The following PAX2 variants were observed in gnomAD, a reference collection of about 807,000 sequenced individuals.
PAX2 encodes the protein paired box protein Pax-2.
A neutral mutation model predicts 41.7 loss-of-function variants in PAX2; 9 were observed. The observed-to-expected ratio is 0.22, with a 90% CI of 0.13 to 0.38. The LOEUF (loss-of-function observed/expected upper bound fraction) is 0.38. PAX2 is among the 10% of genes least tolerant of loss of function. The probability of loss-of-function intolerance (pLI) is 1.00; values close to 1 mark genes in which losing one functional copy is unlikely to be tolerated. For missense variants in PAX2, 418 were observed against 531.6 expected, an observed-to-expected ratio of 0.79 and a Z score of 2.10; for synonymous variants, 221 against 212.7, an observed-to-expected ratio of 1.04 and a Z score of -0.34.
rs138892176 is a variant in PAX2 at position 100,789,637 on chromosome 10, G to A, written c.616+8272G>A. Among the ~76,000 whole-genome samples, 791 of 152,220 alleles carry A rather than the reference G, an allele frequency of 5.2e-3. 9 individuals carry two copies. The highest frequency in any genetic ancestry group is 0.018 in the African/African-American group (754 of 41,530). On this transcript the variant is annotated intron_variant, in intron 5 of 9. Transcript: ENST00000355243. ...TTTTCCAACTCATACCCAAAACCTG[G>A]CTAAGGTCCACTTAGTCCAAGAAAG... is the stretch of plus-strand genomic sequence containing the variant.
chr10:100,810,405 A>G (rs1488429789), intron 7 of PAX2, among the ~76,000 whole-genome samples: 1 of 152,178 alleles, frequency 6.6e-6, no homozygotes, highest in Non-Finnish European at 1.5e-5. Flanking sequence ...TCCAGCCTAG[A>G]TCTTTGGCTA....
At chr10:100,739,257 C>G (rs986105579) in intron 1 of PAX2, among the ~76,000 whole-genome samples, 1 of 152,204 alleles carries the variant, frequency 6.6e-6, no homozygotes, top group Non-Finnish European at 1.5e-5. Context: ...CCCTGGTCCC[C>G]TCTCCCCTGC....
chr10:100,742,693 A>T (rs1001882414), upstream of PAX2, among the ~76,000 whole-genome samples: 5 of 151,970 alleles, frequency 3.3e-5, no homozygotes, highest in African/African-American at 1.2e-4. Flanking sequence ...GGGGGGTGGA[A>T]GGGCCGCTTT....
rs4523631 is a variant in PAX2 at position 100,745,602 on chromosome 10, C to A, written c.-659C>A. The A allele has an allele frequency of 0.8, 190,996 of 238,814 alleles. 76,779 individuals are homozygous for A. The highest frequency in any genetic ancestry group is 1 in the East Asian group (10,867 of 10,880). The allele number at this position is 238,814 out of a possible 1,614,324, so 14.8% of individuals were successfully genotyped here. On this transcript the variant is annotated 5_prime_UTR_variant, in exon 1 of 10. Coordinates refer to ENST00000355243, the MANE Select transcript of PAX2 (RefSeq NM_000278.5). The stretch of plus-strand genomic sequence containing the variant: ...GCTCCAGTCTCCGGCCGAGTCTTCT[C>A]GCAGCCGCAACCCACCTGGGGCCAG...
At chr10:100,754,026 C>T (rs918168515) in intron 3 of PAX2, among the ~76,000 whole-genome samples, 1 of 152,136 alleles carries the variant, frequency 6.6e-6, no homozygotes, top group African/African-American at 2.4e-5. Context: ...ATGGAGTTGC[C>T]AGCTTTTTGG....
At chr10:100,811,898 A>T (rs1848002636) in intron 7 of PAX2, among the ~76,000 whole-genome samples, 1 of 152,160 alleles carries the variant, frequency 6.6e-6, no homozygotes, top group South Asian at 2.1e-4. Context: ...ACCTTAGGGG[A>T]TGAGGGAATG....
At chr10:100,758,382 C>T (rs193040790) in intron 3 of PAX2, among the ~76,000 whole-genome samples, 9 of 152,118 alleles carry the variant, frequency 5.9e-5, no homozygotes, top group African/African-American at 1.7e-4. Context: ...CCTCGTGATC[C>T]GCCCGCCTCG....
chr10:100,765,328 C>T (rs1845981549), intron 3 of PAX2, among the ~76,000 whole-genome samples: 1 of 152,210 alleles, frequency 6.6e-6, no homozygotes, highest in Non-Finnish European at 1.5e-5. Flanking sequence ...CAATCCCATT[C>T]TTGCCTCAAG....
rs748047859 is a variant in PAX2 at position 100,750,680 on chromosome 10, CTT to C, written c.213-12_213-11del. The C allele has an allele frequency of 6.2e-7, 1 of 1,613,144 alleles. No individual in the cohort carries two copies. The highest frequency in any genetic ancestry group is 8.5e-7 in the Non-Finnish European group (1 of 1,179,204). ...GTCCGCTTCTGGCTGACCCCGCCGG[CTT>C]TCCCGGCGCAGGTACTACGAGACCG... On this transcript the variant is annotated splice_polypyrimidine_tract_variant and intron_variant, in intron 2 of 9. Coordinates refer to ENST00000355243, the MANE Select transcript of PAX2 (RefSeq NM_000278.5). The surrounding 1 kb of genome is among the most constrained non-coding windows in gnomAD (Gnocchi z 4.1).
chr10:100,749,039 C>T lies in PAX2; in HGVS notation c.44-707C>T, dbSNP rs1300326499. 3.0e-6 allele frequency: 3 copies of T among 985,356 alleles called. No individual in the cohort carries two copies. In the African/African-American group the frequency reaches 5.2e-5, roughly 17 times the overall value. 61.0% of individuals were successfully genotyped at this position (985,356 alleles called of 1,614,324 possible). A position where few individuals can be genotyped will look rare whatever the true frequency, so the allele number is the denominator to read the frequency against. On this transcript the variant is annotated intron_variant, in intron 1 of 9. Transcript: ENST00000355243. ...AGCAGACCCCGGGCCCCTGCCTCAT[C>T]CGCCTTCCTTGCTCTACTTCAGATA...
chr10:100,784,529 G>A (rs771216925), intron 5 of PAX2, among the ~76,000 whole-genome samples: 2 of 152,182 alleles, frequency 1.3e-5, no homozygotes, highest in Non-Finnish European at 2.9e-5. Flanking sequence ...GAATCTCTTT[G>A]TCCTCCAGGA....
intron 3 of PAX2, among the ~76,000 whole-genome samples, chr10:100,751,634 G>A (rs764008452): frequency 1.3e-5 from 2 of 152,224 alleles, no homozygotes; most frequent in East Asian, 1.9e-4. Flanking sequence ...TCAGCTTGAC[G>A]TGTAGGATAT....
At chr10:100,818,097 A>G (rs1848249502) in intron 7 of PAX2, among the ~76,000 whole-genome samples, 1 of 152,212 alleles carries the variant, frequency 6.6e-6, no homozygotes, top group African/African-American at 2.4e-5. Flanking sequence ...CTACCTTATG[A>G]GAAGCAGACA....
At chr10:100,746,437 G>A in intron 1 of PAX2, 134 bp downstream of exon 1, 2 of 757,836 alleles carry the variant, frequency 2.6e-6, no homozygotes, top group East Asian at 2.5e-5. Context: ...CCCTCTTTTC[G>A]TTCTTTCTCT....
chr10:100,739,408 T>A (rs1214401397), intron 1 of PAX2, among the ~76,000 whole-genome samples: 1 of 151,990 alleles, frequency 6.6e-6, no homozygotes, highest in Non-Finnish European at 1.5e-5. Context: ...GCTCCTCACA[T>A]CCACACAGCT....
rs1054442444 is a variant in PAX2 at position 100,826,953 on chromosome 10, G to A, written c.1022-56G>A. 3 of 1,246,276 alleles carry A rather than the reference G, an allele frequency of 2.4e-6. No homozygotes were observed. The highest frequency in any genetic ancestry group is 1.5e-5 in the African/African-American group (1 of 67,278). 77.2% of individuals were successfully genotyped at this position (1,246,276 alleles called of 1,614,324 possible). A position where few individuals can be genotyped will look rare whatever the true frequency, so the allele number is the denominator to read the frequency against. ...GGCGGAGAAGCCACCGGCCGGACTC[G>A]TGGGGTCCGCCCTGGCTTGCAGGCG... On this transcript the variant is annotated intron_variant, in intron 8 of 9. Coordinates refer to ENST00000355243, the MANE Select transcript of PAX2 (RefSeq NM_000278.5). The surrounding 1 kb of genome is among the most constrained non-coding windows in gnomAD (Gnocchi z 5.5).
chr10:100,824,514 G>T lies in PAX2; in HGVS notation c.920-134G>T. 1 of 750,376 alleles carries T rather than the reference G, an allele frequency of 1.3e-6. No homozygotes were observed. The highest frequency in any genetic ancestry group is 2.4e-6 in the Non-Finnish European group (1 of 412,480). 46.5% of individuals were successfully genotyped at this position (750,376 alleles called of 1,614,324 possible). A position where few individuals can be genotyped will look rare whatever the true frequency, so the allele number is the denominator to read the frequency against. ...CAGATGGCGCATTCAGGTGCACAGT[G>T]GCACACATACCCCTGCACGTCTGCA... On this transcript the variant is annotated intron_variant, in intron 7 of 9. Coordinates refer to ENST00000355243, the MANE Select transcript of PAX2 (RefSeq NM_000278.5). This position sits in a 1 kb window ranked among gnomAD's most constrained non-coding sequence, Gnocchi z 6.6.
intron 5 of PAX2, chr10:100,786,903 C>A: frequency 8.0e-7 from 1 of 1,251,232 alleles, no homozygotes; most frequent in Non-Finnish European, 1.1e-6. Flanking sequence ...GCCTGTCTTT[C>A]GGGATCTCTC....
In PAX2 at chr10:100,826,298, A is replaced by C. The variant is rs1304125048; in HGVS notation, c.1022-711A>C. The stretch of plus-strand genomic sequence containing the variant: ...TCACTGTAAACAGTCTGGGGTCATC[A>C]CACAGGAGAAAGGGCGAGGGGGAAA... On this transcript the variant is annotated intron_variant, in intron 8 of 9. Coordinates refer to ENST00000355243, the MANE Select transcript of PAX2 (RefSeq NM_000278.5). This position sits in a 1 kb window ranked among gnomAD's most constrained non-coding sequence, Gnocchi z 5.5. Among the ~76,000 whole-genome samples the C allele has an allele frequency of 6.7e-6, 1 of 149,000 alleles. No homozygotes were observed. The highest frequency in any genetic ancestry group is 2.5e-5 in the African/African-American group (1 of 40,024).
Sources: gnomAD v4.1 joint callset for allele counts (sites outside exome capture counted in the v4.1 genomes callset) on GRCh38, gnomAD v4.1.1 for gene constraint, Gnocchi (gnomAD v3.1) non-coding constraint, MANE v1.5 for transcripts, NCBI Gene and HGNC (gene_info 2026-07-23, HGNC 2026-07-21) for gene names.